Variants in EXOC4 observed in about 807,000 individuals in gnomAD.
EXOC4 encodes SEC8-like 1.
Under a neutral mutation model 107.2 loss-of-function variants are expected in EXOC4, and 71 were observed. The ratio of observed to expected loss-of-function variants is 0.66; its 90% CI spans 0.55 to 0.81. EXOC4 has a LOEUF of 0.81. Among genes scored for constraint, EXOC4 ranks in the 30% least tolerant of loss-of-function variants. The probability of loss-of-function intolerance (pLI) is 0.00; values close to 1 mark genes in which losing one functional copy is unlikely to be tolerated. For synonymous variants in EXOC4, 456 were observed against 441.2 expected, an observed-to-expected ratio of 1.03 and a Z score of -0.42; for missense variants, 1,108 against 1,189.6, an observed-to-expected ratio of 0.93 and a Z score of 1.01.
chr7:133,984,766 C>T (rs1794074804), intron 14 of EXOC4, among the ~76,000 whole-genome samples: 1 of 152,166 alleles, frequency 6.6e-6, no homozygotes, highest in South Asian at 2.1e-4. Context: ...TGGCCCTTAG[C>T]TTTGTTGCAG....
intron 4 of EXOC4, among the ~76,000 whole-genome samples, chr7:133,315,886 G>C (rs1258715142): frequency 2.0e-5 from 3 of 152,158 alleles, no homozygotes; most frequent in Admixed American, 1.3e-4. Context: ...ACTGAGCACA[G>C]TGCCAAGCAC....
At chr7:134,019,740 C>T (rs954454806) in intron 17 of EXOC4, among the ~76,000 whole-genome samples, 3 of 152,170 alleles carry the variant, frequency 2.0e-5, no homozygotes, top group Non-Finnish European at 4.4e-5. Flanking sequence ...AATGTTGGGT[C>T]TCTCTTTTGC....
intron 7 of EXOC4, among the ~76,000 whole-genome samples, chr7:133,461,377 A>G (rs1442531674): frequency 6.6e-6 from 1 of 152,224 alleles, no homozygotes; most frequent in Non-Finnish European, 1.5e-5. Context: ...CTTAGTAATT[A>G]CAAAGTAAAT....
chr7:133,617,462 G>A (rs983592064), intron 9 of EXOC4, among the ~76,000 whole-genome samples: 1 of 152,146 alleles, frequency 6.6e-6, no homozygotes, highest in African/African-American at 2.4e-5. Flanking sequence ...ATGAAAGATA[G>A]GATTCACATA....
chr7:134,044,621 T>G (rs1329255092), intron 17 of EXOC4, among the ~76,000 whole-genome samples: 1 of 133,818 alleles, frequency 7.5e-6, no homozygotes, highest in Admixed American at 8.1e-5. Context: ...GATCTGAAGG[T>G]CCACTCTGTG....
chr7:134,068,959 A>G (rs940041158), downstream of EXOC4, among the ~76,000 whole-genome samples: 2 of 152,162 alleles, frequency 1.3e-5, no homozygotes, highest in African/African-American at 2.4e-5. Flanking sequence ...GGCAAAAGAA[A>G]CAGCCCCTTG....
intron 7 of EXOC4, among the ~76,000 whole-genome samples, chr7:133,397,125 T>TTTTCG (rs1434280567): frequency 2.2e-3 from 1 of 446 alleles, no homozygotes; most frequent in African/African-American, 2.6e-3. Flanking sequence ...TTTCATTTGG[T>TTTTCG]TTTCTTTTCT....
At chr7:133,491,161 A>C (rs1023420590) in intron 9 of EXOC4, among the ~76,000 whole-genome samples, 3 of 152,202 alleles carry the variant, frequency 2.0e-5, no homozygotes, top group Admixed American at 6.5e-5. Flanking sequence ...CACAATTTTA[A>C]ACTGGAAAAG....
In EXOC4 at chr7:133,735,219, CAAAAAAAAAAAA is replaced by C. The variant is rs56769096; in HGVS notation, c.1515-82084_1515-82073del. 2.0e-3 allele frequency among the ~76,000 whole-genome samples: 68 copies of C among 33,510 alleles called. 1 individual carries two copies. The highest frequency in any genetic ancestry group is 6.7e-3 in the African/African-American group (52 of 7,776). The allele number at this position is 33,510 out of a possible 152,430, so 22.0% of individuals were successfully genotyped here. Reference sequence around the variant, plus strand: ...TGGGTGACAGAGGAAGACTCTGTCTCAAAAAAAAAAAAAAAAAAAAAAAAAAAAAAAAAGTTA... The same window carrying C: ...TGGGTGACAGAGGAAGACTCTGTCTCAAAAAAAAAAAAAAAAAAAAAGTTA... On this transcript the variant is annotated intron_variant, in intron 10 of 17. Transcript: ENST00000253861.
At position 133,925,865 on chromosome 7, in the gene EXOC4, G is replaced by A. The variant is rs145786570; in HGVS notation, c.2027+8127G>A. 2.4e-3 allele frequency among the ~76,000 whole-genome samples: 366 copies of A among 151,778 alleles called. 6 individuals are homozygous for A. Among genetic ancestry groups the A allele is most frequent in the African/African-American group, 8.2e-3 (339 of 41,408 alleles). The stretch of plus-strand genomic sequence containing the variant: ...AGCCTGACCAAAATGGTGAAACCCC[G>A]TCTCTACTAAAATAGAAAAAAAAAT... On this transcript the variant is annotated intron_variant, in intron 13 of 17. Transcript: ENST00000253861.
intron 10 of EXOC4, among the ~76,000 whole-genome samples, chr7:133,634,574 C>T (rs1802662418): frequency 6.6e-6 from 1 of 152,138 alleles, no homozygotes; most frequent in Admixed American, 6.5e-5. Flanking sequence ...ACTGCAAACT[C>T]TGCCTCCTGG....
chr7:133,470,000 T>G (rs993536059), intron 7 of EXOC4, among the ~76,000 whole-genome samples: 22 of 152,338 alleles, frequency 1.4e-4, no homozygotes, highest in African/African-American at 4.1e-4. Flanking sequence ...ACATTTTGGC[T>G]GTGGCTGAGA....
intron 9 of EXOC4, among the ~76,000 whole-genome samples, chr7:133,537,758 AT>A (rs1487901046): frequency 6.6e-6 from 1 of 152,184 alleles, no homozygotes; most frequent in Non-Finnish European, 1.5e-5. Flanking sequence ...TAATGGTAGT[AT>A]AACACTCTTT....
At chr7:133,270,474 AAGAAAC>A (rs1322780655) in intron 1 of EXOC4, among the ~76,000 whole-genome samples, 3 of 152,310 alleles carry the variant, frequency 2.0e-5, no homozygotes, top group Middle Eastern at 3.4e-3. Context: ...CATGGTGTGG[AAGAAAC>A]AGTTGAAGAA....
intron 10 of EXOC4, among the ~76,000 whole-genome samples, chr7:133,652,663 C>T (rs1803189964): frequency 6.6e-6 from 1 of 152,068 alleles, no homozygotes; most frequent in African/African-American, 2.4e-5. Context: ...TGCAGGGTGG[C>T]TGGGAAGAGA....
chr7:133,614,628 G>T (rs1802146126), intron 9 of EXOC4, among the ~76,000 whole-genome samples: 1 of 151,842 alleles, frequency 6.6e-6, no homozygotes. Context: ...AGTCTGAAAG[G>T]ATTACACCAT....
At chr7:133,521,835 G>T (rs1160903358) in intron 9 of EXOC4, among the ~76,000 whole-genome samples, 2 of 151,998 alleles carry the variant, frequency 1.3e-5, no homozygotes. Flanking sequence ...TAGCCAGGAT[G>T]GTCTCGATCT....
chr7:133,739,629 G>A (rs1795521811), intron 10 of EXOC4, among the ~76,000 whole-genome samples: 1 of 152,202 alleles, frequency 6.6e-6, no homozygotes, highest in African/African-American at 2.4e-5. Context: ...GGCTGCAGCT[G>A]CTGAGTGTCT....
intron 7 of EXOC4, among the ~76,000 whole-genome samples, chr7:133,378,265 G>A (rs58168550): frequency 0.02 from 2,977 of 148,948 alleles, 99 homozygotes; most frequent in African/African-American, 0.069. Context: ...AGCTGCGATC[G>A]CGCCACTGCA....
Sources: allele counts gnomAD v4.1 joint callset (sites outside exome capture counted in the v4.1 genomes callset), GRCh38; gene constraint gnomAD v4.1.1; transcripts MANE v1.5; gene names NCBI Gene and HGNC (gene_info 2026-07-23, HGNC 2026-07-21).